The following BMPR1B variants were observed in gnomAD, a reference collection of about 807,000 sequenced individuals.
The protein encoded by BMPR1B is bone morphogenetic protein receptor type 1B.
A neutral mutation model predicts 59.1 loss-of-function variants in BMPR1B; 12 were observed. That is an observed-to-expected ratio of 0.20 (90% confidence interval 0.13 to 0.33). The LOEUF (loss-of-function observed/expected upper bound fraction) is 0.33, where lower values mean the gene tolerates loss of function less well. Among genes scored for constraint, BMPR1B ranks in the 10% least tolerant of loss-of-function variants. The pLI is 1.00. For synonymous variants in BMPR1B, 237 were observed against 207.3 expected (o/e 1.14, Z -1.23); for missense variants, 550 against 610.9 (o/e 0.90, Z 1.05).
chr4:95,154,763 A>G lies in BMPR1B; in HGVS notation c.*90A>G. On this transcript the variant is annotated 3_prime_UTR_variant, in exon 13 of 13. Transcript: ENST00000515059. ...CAAAAGACATCAAATAAGCATCCACAGTACAAGCCTTGAACATCGTCCTGC... is the reference window on the plus strand; with the variant it reads ...CAAAAGACATCAAATAAGCATCCACGGTACAAGCCTTGAACATCGTCCTGC... 5 of 1,564,754 alleles carry G rather than the reference A, an allele frequency of 3.2e-6. No homozygotes were observed. The highest frequency in any genetic ancestry group is 4.4e-6 in the Non-Finnish European group (5 of 1,138,718).
chr4:95,125,147 T>G, intron 8 of BMPR1B, 26 bp downstream of exon 8: 1 of 1,612,874 alleles, frequency 6.2e-7, no homozygotes, highest in Non-Finnish European at 8.5e-7. Flanking sequence ...ATCTTGAATT[T>G]AAAGGAAATG....
At chr4:94,924,251 G>C (rs1728804391) in intron 2 of BMPR1B, among the ~76,000 whole-genome samples, 1 of 152,076 alleles carries the variant, frequency 6.6e-6, no homozygotes. Context: ...TGATTTTCTT[G>C]TATAATTATT....
chr4:95,051,483 C>T (rs1726496220), intron 3 of BMPR1B, among the ~76,000 whole-genome samples: 1 of 152,034 alleles, frequency 6.6e-6, no homozygotes, highest in African/African-American at 2.4e-5. Context: ...TCCTCACCGC[C>T]CTTTGTTGTC....
intron 1 of BMPR1B, among the ~76,000 whole-genome samples, chr4:94,857,777 A>G (rs1208509712): frequency 6.6e-6 from 1 of 152,214 alleles, no homozygotes; most frequent in Non-Finnish European, 1.5e-5. Flanking sequence ...GCTTAAACCT[A>G]TTTTAAACAA....
chr4:95,022,876 AAG>A (rs1724092781), intron 3 of BMPR1B, among the ~76,000 whole-genome samples: 1 of 152,198 alleles, frequency 6.6e-6, no homozygotes, highest in African/African-American at 2.4e-5. Flanking sequence ...GACAGAGGAA[AAG>A]AGACCAACCC....
intron 3 of BMPR1B, among the ~76,000 whole-genome samples, chr4:95,078,893 G>C (rs1202240490): frequency 6.6e-6 from 1 of 152,074 alleles, no homozygotes; most frequent in East Asian, 1.9e-4. Flanking sequence ...GGATAGCTGG[G>C]ACCACAGGTG....
chr4:95,118,516 G>A (rs1302717663), intron 6 of BMPR1B, among the ~76,000 whole-genome samples: 2 of 152,170 alleles, frequency 1.3e-5, no homozygotes, highest in Non-Finnish European at 2.9e-5. Flanking sequence ...GTGACAGAAT[G>A]CAGTTTTGTT....
intron 3 of BMPR1B, among the ~76,000 whole-genome samples, chr4:95,059,070 G>A (rs1376049808): frequency 6.6e-6 from 1 of 152,194 alleles, no homozygotes; most frequent in African/African-American, 2.4e-5. Flanking sequence ...GCTGATTTGA[G>A]TGAGGAAATG....
chr4:94,848,007 G>C (rs1725407913), intron 1 of BMPR1B, among the ~76,000 whole-genome samples: 1 of 152,030 alleles, frequency 6.6e-6, no homozygotes, highest in Non-Finnish European at 1.5e-5. Context: ...TATGTATTGA[G>C]TGCCTGCATC....
chr4:95,026,196 ATAT>A (rs781637655), intron 3 of BMPR1B, among the ~76,000 whole-genome samples: 2 of 131,274 alleles, frequency 1.5e-5, no homozygotes. Flanking sequence ...AAGAACATAA[ATAT>A]TATGTGGAGA....
At position 95,104,419 on chromosome 4, in the gene BMPR1B, G is replaced by A; in HGVS notation, c.-6G>A. 6.2e-7 allele frequency: 1 copy of A among 1,612,962 alleles called. No homozygotes were observed. Among genetic ancestry groups the A allele is most frequent in the Non-Finnish European group, 8.5e-7 (1 of 1,179,398 alleles). ...ATTTCTTCTTTCAGCAAACTTCCTTGATAACATGCTTTTGCGAAGTGCAGG... is the reference window on the plus strand; with the variant it reads ...ATTTCTTCTTTCAGCAAACTTCCTTAATAACATGCTTTTGCGAAGTGCAGG... On this transcript the variant is annotated 5_prime_UTR_variant, in exon 4 of 13. Transcript: ENST00000515059.
chr4:94,821,487 A>T (rs2110655044), intron 1 of BMPR1B, among the ~76,000 whole-genome samples: 1 of 152,262 alleles, frequency 6.6e-6, no homozygotes, highest in South Asian at 2.1e-4. Flanking sequence ...CTTAAACTCT[A>T]ATCTCAAAAT....
At chr4:94,797,872 T>C (rs1338887534) in intron 1 of BMPR1B, among the ~76,000 whole-genome samples, 2 of 152,226 alleles carry the variant, frequency 1.3e-5, no homozygotes, top group South Asian at 2.1e-4. Context: ...CCCAAAATTA[T>C]TGACTGCAGC....
At chr4:95,090,232 A>G (rs1400335026) in intron 3 of BMPR1B, among the ~76,000 whole-genome samples, 1 of 151,978 alleles carries the variant, frequency 6.6e-6, no homozygotes, top group East Asian at 1.9e-4. Flanking sequence ...TATAAACAGC[A>G]ATAAAAAATA....
At chr4:94,838,837 T>G (rs1454439450) in intron 1 of BMPR1B, among the ~76,000 whole-genome samples, 1 of 137,078 alleles carries the variant, frequency 7.3e-6, no homozygotes, top group Admixed American at 7.2e-5. Flanking sequence ...TTCTAGTTCT[T>G]TTAATTGTGA....
In BMPR1B at chr4:95,155,475, C is replaced by CTTTTTGTTT. The variant is rs1735353296; in HGVS notation, c.*807_*808insGTTTTTTTT. Reference sequence around the variant, plus strand: ...CCCTTTTCATTAAACACAAAGAAAGCTTTTTTTTTTTTTTTTTTTTTTTTT... The same window carrying CTTTTTGTTT: ...CCCTTTTCATTAAACACAAAGAAAGCTTTTTGTTTTTTTTTTTTTTTTTTTTTTTTTTTT... On this transcript the variant is annotated 3_prime_UTR_variant, in exon 13 of 13. Coordinates refer to ENST00000515059, the MANE Select transcript of BMPR1B (RefSeq NM_001203.3). 1.6e-5 allele frequency: 1 copy of CTTTTTGTTT among 64,298 alleles called. No individual in the cohort carries two copies. The highest frequency in any genetic ancestry group is 2.7e-5 in the Non-Finnish European group (1 of 37,218). The allele number at this position is 64,298 out of a possible 1,614,324, so 4.0% of individuals were successfully genotyped here. A position where few individuals can be genotyped will look rare whatever the true frequency, so the allele number is the denominator to read the frequency against.
intron 2 of BMPR1B, among the ~76,000 whole-genome samples, chr4:94,884,706 A>C (rs759346095): frequency 4.6e-5 from 7 of 152,224 alleles, no homozygotes; most frequent in Non-Finnish European, 7.3e-5. Context: ...CATACATTTT[A>C]TACTTACAGA....
At chr4:95,074,660 G>T (rs1002677032) in intron 3 of BMPR1B, among the ~76,000 whole-genome samples, 21 of 152,082 alleles carry the variant, frequency 1.4e-4, no homozygotes, top group African/African-American at 4.1e-4. Context: ...TATATATTCA[G>T]TCACTTTCAA....
chr4:94,770,180 G>GGTTTTTTTTTTTTTTTTTTTTT (rs771544268), intron 1 of BMPR1B, among the ~76,000 whole-genome samples: 9 of 106,276 alleles, frequency 8.5e-5, no homozygotes, highest in African/African-American at 2.9e-4. Context: ...CTTCGTTTCT[G>GGTTTTTTTTTTTTTTTTTTTTT]TGTTTGTTTT....
Sources: gnomAD v4.1 joint callset for allele counts (sites outside exome capture counted in the v4.1 genomes callset) on GRCh38, gnomAD v4.1.1 for gene constraint, MANE v1.5 for transcripts, NCBI Gene and HGNC (gene_info 2026-07-23, HGNC 2026-07-21) for gene names.